The following PIR variants were observed in gnomAD, a reference collection of about 807,000 sequenced individuals.
PIR encodes the protein pirin (iron-binding nuclear protein).
Under a neutral mutation model 24.2 loss-of-function variants are expected in PIR, and 22 were observed. The observed-to-expected ratio is 0.91, with a 90% CI of 0.65 to 1.30. The LOEUF is 1.30. Among genes scored for constraint, PIR ranks in the 50% most tolerant of loss-of-function variants. The probability of loss-of-function intolerance (pLI) is 0.00; values close to 1 mark genes in which losing one functional copy is unlikely to be tolerated. For synonymous variants in PIR, 80 were observed against 79.6 expected (o/e 1.00, Z -0.03); for missense variants, 220 against 220.3 (o/e 1.00, Z 0.01).
chrX:15,393,315 G>T (rs1924019720), intron 8 of PIR, among the ~76,000 whole-genome samples: 1 of 112,100 alleles, frequency 8.9e-6, no homozygotes, highest in Admixed American at 9.5e-5. Context: ...AACAATAAAT[G>T]ATCAAAGCCC....
In PIR at chrX:15,444,948, G is replaced by A. The variant is rs746161742; in HGVS notation, c.480+10900C>T. The stretch of plus-strand genomic sequence containing the variant: ...GTTTACAAGAAATCTGTTTGGTGGA[G>A]ACAGGGTGGAAAGGCCCAAAAATCA... On this transcript the variant is annotated intron_variant, in intron 5 of 9. Coordinates refer to ENST00000380420, the MANE Select transcript of PIR (RefSeq NM_001018109.3). 8.0e-5 allele frequency among the ~76,000 whole-genome samples: 9 copies of A among 111,887 alleles called. No homozygotes were observed. The East Asian group carries it at 2.5e-3, about 31-fold the overall frequency.
chrX:15,388,315 A>G, intron 9 of PIR, among the ~76,000 whole-genome samples: 1 of 111,971 alleles, frequency 8.9e-6, no homozygotes, highest in Non-Finnish European at 1.9e-5. Flanking sequence ...ACTGCTAACA[A>G]TCGCTTTCCA....
rs963380471 is a variant in PIR, at chrX:15,486,269, G to A, written c.96+4893C>T. On this transcript the variant is annotated intron_variant, in intron 2 of 9. Transcript: ENST00000380420. ...ACCCAGGAGGCAGAGGTTGCAGTGA[G>A]CCGAGGGAGACAGAGTGAGACTCTG... 6.4e-5 allele frequency among the ~76,000 whole-genome samples: 5 copies of A among 77,635 alleles called. No homozygotes were observed. In the East Asian group the frequency reaches 2.5e-3, roughly 38 times the overall value. The allele number at this position is 77,635 out of a possible 115,157, so 67.4% of individuals were successfully genotyped here.
At chrX:15,427,906 A>C (rs964107473) in intron 5 of PIR, among the ~76,000 whole-genome samples, 4 of 111,032 alleles carry the variant, frequency 3.6e-5, no homozygotes, top group African/African-American at 1.3e-4. Flanking sequence ...ACCTACATGT[A>C]GCAAAATGCT....
At chrX:15,425,054 A>T (rs1312258583) in intron 6 of PIR, among the ~76,000 whole-genome samples, 2 of 111,230 alleles carry the variant, frequency 1.8e-5, no homozygotes, top group East Asian at 5.6e-4. Flanking sequence ...AAAGAACAAA[A>T]TAGGCCTTAA....
chrX:15,431,190 A>C (rs922486617), intron 5 of PIR, among the ~76,000 whole-genome samples: 2 of 111,947 alleles, frequency 1.8e-5, no homozygotes, highest in Non-Finnish European at 3.8e-5. Flanking sequence ...TAAGAGAAAG[A>C]AACAGTGTTT....
intron 6 of PIR, among the ~76,000 whole-genome samples, chrX:15,409,224 G>A (rs1186876892): frequency 7.8e-5 from 8 of 102,205 alleles, no homozygotes; most frequent in African/African-American, 1.9e-4. Context: ...TCAGCCTCCC[G>A]AGTAGCTGGG....
At chrX:15,392,003 C>T (rs752651760) in intron 8 of PIR, among the ~76,000 whole-genome samples, 94 of 111,249 alleles carry the variant, frequency 8.4e-4, no homozygotes, top group Non-Finnish European at 1.5e-3. Flanking sequence ...AGCAAATGCT[C>T]CCTCTCTGGG....
intron 6 of PIR, among the ~76,000 whole-genome samples, chrX:15,420,371 A>C (rs1382426880): frequency 8.9e-6 from 1 of 112,112 alleles, no homozygotes; most frequent in Non-Finnish European, 1.9e-5. Context: ...AAAAATGAAC[A>C]TGAACCATAC....
intron 2 of PIR, among the ~76,000 whole-genome samples, chrX:15,486,006 T>A (rs1407744098): frequency 9.0e-6 from 1 of 110,927 alleles, no homozygotes; most frequent in African/African-American, 3.3e-5. Context: ...TAGTTCTAAA[T>A]CCTTTAGCTG....
intron 8 of PIR, among the ~76,000 whole-genome samples, chrX:15,397,031 C>T (rs1291045428): frequency 5.3e-5 from 6 of 112,442 alleles, no homozygotes; most frequent in Admixed American, 9.4e-5. Flanking sequence ...TGAGCCACCA[C>T]GCCCGGCCAA....
chrX:15,398,192 C>T (rs867481384), intron 7 of PIR, among the ~76,000 whole-genome samples: 1 of 110,917 alleles, frequency 9.0e-6, no homozygotes, highest in Non-Finnish European at 1.9e-5. Flanking sequence ...CACGTGTATA[C>T]CTATGTAACA....
intron 6 of PIR, among the ~76,000 whole-genome samples, chrX:15,421,506 A>G (rs1385256880): frequency 9.0e-6 from 1 of 111,441 alleles, no homozygotes; most frequent in Admixed American, 9.5e-5. Context: ...AGAGACTATT[A>G]TGAACAACTA....
intron 1 of PIR, among the ~76,000 whole-genome samples, chrX:15,491,592 GC>G (rs1288198805): frequency 1.8e-5 from 2 of 111,904 alleles, no homozygotes; most frequent in African/African-American, 6.5e-5. Context: ...TCATGTGCCT[GC>G]CACATAATGA....
At position 15,488,909 on chromosome X, in the gene PIR, GT is replaced by G. The variant is rs1164420331; in HGVS notation, c.96+2252del. On this transcript the variant is annotated intron_variant, in intron 2 of 9. Coordinates refer to ENST00000380420, the MANE Select transcript of PIR (RefSeq NM_001018109.3). ...GTCACTAACCTCTACTAATTTTTTT[GT>G]TTTTTTTTTATTGTGGTAAAATATA... Among the ~76,000 whole-genome samples the G allele has an allele frequency of 1.7e-3, 183 of 105,049 alleles. 1 individual carries two copies. Among genetic ancestry groups the G allele is most frequent in the African/African-American group, 5.1e-3 (149 of 29,045 alleles). The allele number at this position is 105,049 out of a possible 115,157, so 91.2% of individuals were successfully genotyped here.
chrX:15,459,897 G>A (rs1400711019), intron 3 of PIR, among the ~76,000 whole-genome samples, 157 bp from the exon 4 acceptor site: 1 of 99,225 alleles, frequency 1.0e-5, no homozygotes, highest in African/African-American at 3.8e-5. Context: ...CTCCCATTCC[G>A]TGAGTTGCCT....
At chrX:15,421,833 G>A (rs946756337) in intron 6 of PIR, among the ~76,000 whole-genome samples, 37 of 110,528 alleles carry the variant, frequency 3.3e-4, no homozygotes, top group African/African-American at 1.2e-3. Flanking sequence ...AGACAAGAAC[G>A]CAACAAAAAA....
At chrX:15,410,205 C>A (rs1924695213) in intron 6 of PIR, among the ~76,000 whole-genome samples, 1 of 110,775 alleles carries the variant, frequency 9.0e-6, no homozygotes, top group Admixed American at 9.6e-5. Context: ...GAGCCGAGAT[C>A]TCGCCACAGC....
intron 8 of PIR, among the ~76,000 whole-genome samples, chrX:15,397,220 C>T (rs1924193476): frequency 9.0e-6 from 1 of 111,457 alleles, no homozygotes; most frequent in African/African-American, 3.3e-5. Context: ...CAGGGGTAAA[C>T]AATAGGGACT....
Sources: gnomAD v4.1 joint callset for allele counts (sites outside exome capture counted in the v4.1 genomes callset) on GRCh38, gnomAD v4.1.1 for gene constraint, MANE v1.5 for transcripts, NCBI Gene and HGNC (gene_info 2026-07-23, HGNC 2026-07-21) for gene names.